The following MYL10 variants were observed in gnomAD, a reference collection of about 807,000 sequenced individuals.
The protein encoded by MYL10 is myosin regulatory light chain 10.
A neutral mutation model predicts 21.9 loss-of-function variants in MYL10; 18 were observed. The ratio of observed to expected loss-of-function variants is 0.82; its 90% confidence interval spans 0.57 to 1.22. The LOEUF (loss-of-function observed/expected upper bound fraction) is 1.22. Ranked by LOEUF, MYL10 falls within the 50% of genes most tolerant of loss-of-function variation. MYL10 has a pLI of 0.00. For synonymous variants in MYL10, 88 were observed against 82.8 expected (o/e 1.06, Z -0.34); for missense variants, 225 against 230.4 (o/e 0.98, Z 0.15).
intron 5 of MYL10, among the ~76,000 whole-genome samples, chr7:101,621,542 G>T (rs1397314027): frequency 1.3e-5 from 2 of 152,066 alleles, no homozygotes; most frequent in East Asian, 3.9e-4. Flanking sequence ...ATGGCTGGGG[G>T]CAGTGGGATG....
chr7:101,622,588 G>A (rs1032702068), intron 4 of MYL10, among the ~76,000 whole-genome samples: 8 of 152,068 alleles, frequency 5.3e-5, no homozygotes, highest in Admixed American at 2.6e-4. Flanking sequence ...GCCTGGTTAC[G>A]TCCGTTCTGC....
intron 5 of MYL10, among the ~76,000 whole-genome samples, chr7:101,620,778 C>CTTTT (rs1392044633): frequency 7.5e-6 from 1 of 134,046 alleles, no homozygotes; most frequent in Non-Finnish European, 1.6e-5. Context: ...CTGACCCTTC[C>CTTTT]TTTTTTTTTT....
intron 4 of MYL10, 93 bp downstream of exon 4, chr7:101,622,904 C>T (rs1796697143): frequency 8.5e-7 from 1 of 1,176,060 alleles, no homozygotes; most frequent in African/African-American, 1.5e-5. Flanking sequence ...AGGAGCCTCT[C>T]ACGCTCACCG....
intron 1 of MYL10, among the ~76,000 whole-genome samples, chr7:101,626,894 ACAT>A (rs1472233763): frequency 6.6e-6 from 1 of 152,206 alleles, no homozygotes; most frequent in Non-Finnish European, 1.5e-5. Context: ...ACCAGGGACA[ACAT>A]CAGATTAAGG....
intron 5 of MYL10, among the ~76,000 whole-genome samples, chr7:101,617,777 C>G (rs1796625422): frequency 1.3e-5 from 2 of 151,632 alleles, no homozygotes; most frequent in Middle Eastern, 3.2e-3. Context: ...CCTCTCCCAT[C>G]AAACTGGATC....
chr7:101,618,140 G>T (rs1796630638), intron 5 of MYL10, among the ~76,000 whole-genome samples: 1 of 152,240 alleles, frequency 6.6e-6, no homozygotes, highest in African/African-American at 2.4e-5. Flanking sequence ...GCACACACTG[G>T]CCTTGCTGGC....
chr7:101,614,022 A>T (rs1185478916), intron 6 of MYL10, among the ~76,000 whole-genome samples: 1 of 151,978 alleles, frequency 6.6e-6, no homozygotes, highest in Non-Finnish European at 1.5e-5. Context: ...TTGAGGGGAG[A>T]CACCTCAGGT....
At chr7:101,625,802 T>C (rs1437211953) in intron 1 of MYL10, among the ~76,000 whole-genome samples, 1 of 152,164 alleles carries the variant, frequency 6.6e-6, no homozygotes, top group African/African-American at 2.4e-5. Flanking sequence ...TAATTACATA[T>C]ACATTTCCTC....
At chr7:101,628,778 C>T (rs1796774956) in intron 1 of MYL10, among the ~76,000 whole-genome samples, 1 of 152,230 alleles carries the variant, frequency 6.6e-6, no homozygotes, top group Non-Finnish European at 1.5e-5. Context: ...GGCTGGAGAG[C>T]TTAACTGTCC....
chr7:101,616,215 C>T lies in MYL10; in HGVS notation c.533+5G>A. On this transcript the variant is annotated splice_donor_5th_base_variant and intron_variant, in intron 6 of 7. Coordinates refer to ENST00000223167, the MANE Select transcript of MYL10 (RefSeq NM_138403.5). ...AGCATTTTGGGGGAGTCAGGGGAAA[C>T]TTACACATCGGCCTTGACGAAACCT... is the stretch of plus-strand genomic sequence containing the variant. 2 of 1,613,916 alleles carry T rather than the reference C, an allele frequency of 1.2e-6. No individual in the cohort carries two copies. The highest frequency in any genetic ancestry group is 1.1e-5 in the South Asian group (1 of 91,064).
chr7:101,614,915 C>A (rs2130734525), intron 6 of MYL10, among the ~76,000 whole-genome samples: 1 of 152,296 alleles, frequency 6.6e-6, no homozygotes, highest in African/African-American at 2.4e-5. Flanking sequence ...GGGGAGGAAT[C>A]TCACCTGCCC....
At chr7:101,614,660 C>T (rs923216560) in intron 6 of MYL10, among the ~76,000 whole-genome samples, 7 of 152,112 alleles carry the variant, frequency 4.6e-5, no homozygotes, top group Non-Finnish European at 8.8e-5. Context: ...CCACAGACCC[C>T]GAGGGAGGGG....
At chr7:101,623,111 C>T (rs892334185) in intron 3 of MYL10, 39 bp from the exon 4 acceptor site, 2 of 1,584,464 alleles carry the variant, frequency 1.3e-6, no homozygotes, top group South Asian at 2.2e-5. Flanking sequence ...ACCTGCCCTT[C>T]CAAGCCCGGC....
Position 101,623,055 on chromosome 7 carries a change from G to C in MYL10, c.291C>G (p.Asp97Glu), listed in dbSNP as rs1796700070. The change falls in exon 4 of 8, where the codon GAC (aspartate) becomes GAG (glutamate). Residue 97 changes from aspartate (D) to glutamate (E), a missense_variant. Coordinates refer to ENST00000223167, the MANE Select transcript of MYL10 (RefSeq NM_138403.5). ...TGTCGATGAAGCCATCACGGTTCTG[G>C]TCCATGATGGTGAAAGCCTGGCAGA... ...ASASQAFTIMDQNRDGFIDKE... is the reference protein window; with the variant it reads ...ASASQAFTIMEQNRDGFIDKE... 1 of 1,613,812 alleles carries C rather than the reference G, an allele frequency of 6.2e-7. No individual in the cohort carries two copies. The highest frequency in any genetic ancestry group is 1.7e-5 in the Admixed American group (1 of 60,000).
rs2130740705 is a variant in MYL10, at chr7:101,622,094, A to C, written c.454+2T>G. ...CTCCAGGACTCCAGGAGCCTGGCTC[A>C]CCCTTCAGCTTCTCCCCAAACATGG... On this transcript the variant is annotated splice_donor_variant, in intron 5 of 7. Transcript: ENST00000223167. LOFTEE classifies it high-confidence loss of function. 6.2e-7 allele frequency: 1 copy of C among 1,612,622 alleles called. No homozygotes were observed. The highest frequency in any genetic ancestry group is 8.5e-7 in the Non-Finnish European group (1 of 1,178,940).
At chr7:101,613,619 C>T in intron 7 of MYL10, 43 bp downstream of exon 7, 2 of 1,613,748 alleles carry the variant, frequency 1.2e-6, no homozygotes, top group South Asian at 2.2e-5. Flanking sequence ...AAGTGGGGGC[C>T]AGAGCAGAGA....
At chr7:101,617,317 G>C (rs1369656142) in intron 5 of MYL10, among the ~76,000 whole-genome samples, 1 of 152,238 alleles carries the variant, frequency 6.6e-6, no homozygotes, top group Non-Finnish European at 1.5e-5. Context: ...AAATACATCT[G>C]AGCGCTCTAT....
chr7:101,628,529 C>T (rs1398405340), intron 1 of MYL10, among the ~76,000 whole-genome samples: 3 of 152,204 alleles, frequency 2.0e-5, no homozygotes, highest in Non-Finnish European at 4.4e-5. Flanking sequence ...TCCATTCCAC[C>T]CTGGCCTCAC....
chr7:101,622,244 A>G, intron 4 of MYL10, 44 bp from the exon 5 acceptor site: 1 of 1,478,770 alleles, frequency 6.8e-7, no homozygotes, highest in South Asian at 1.2e-5. Context: ...AAGAGAGATC[A>G]GAGCTTGGGC....
Sources: gnomAD v4.1 joint callset for allele counts (sites outside exome capture counted in the v4.1 genomes callset) on GRCh38, gnomAD v4.1.1 for gene constraint, MANE v1.5 for transcripts, NCBI Gene and HGNC (gene_info 2026-07-23, HGNC 2026-07-21) for gene names.